RERE: variants seen among roughly 807,000 people sequenced by gnomAD.
RERE encodes arginine-glutamic acid dipeptide repeats protein.
In RERE, 40 loss-of-function variants were observed where a neutral mutation model predicts 146.1. The observed-to-expected ratio is 0.27, with a 90% CI of 0.21 to 0.36. RERE has a LOEUF of 0.36. RERE is among the 10% of genes least tolerant of loss of function. The pLI is 1.00. For missense variants in RERE, 1,933 were observed against 2,138.7 expected, an observed-to-expected ratio of 0.90 and a Z score of 1.90; for synonymous variants, 1,003 against 866.0, an observed-to-expected ratio of 1.16 and a Z score of -2.78.
intron 12 of RERE, among the ~76,000 whole-genome samples, chr1:8,380,222 C>T (rs1570097384): frequency 1.3e-5 from 2 of 152,346 alleles, no homozygotes; most frequent in East Asian, 3.9e-4. Context: ...TGGCAAAAGG[C>T]CTGCCTCTCT....
chr1:8,481,991 G>A (rs954799001), intron 10 of RERE, among the ~76,000 whole-genome samples: 2 of 152,104 alleles, frequency 1.3e-5, no homozygotes, highest in African/African-American at 4.8e-5. Flanking sequence ...AAGCAGACCA[G>A]GAGGATAAAT....
chr1:8,739,945 C>T (rs1210976788), intron 1 of RERE, among the ~76,000 whole-genome samples: 1 of 151,848 alleles, frequency 6.6e-6, no homozygotes, highest in Non-Finnish European at 1.5e-5. Flanking sequence ...TTCTGTTTTG[C>T]CTCTGGGCCA....
chr1:8,752,578 T>C (rs1439667546), intron 1 of RERE, among the ~76,000 whole-genome samples: 1 of 152,182 alleles, frequency 6.6e-6, no homozygotes, highest in Non-Finnish European at 1.5e-5. Context: ...GTAAGAACAC[T>C]GACAAACTGA....
chr1:8,646,953 T>G (rs1647338409), intron 2 of RERE, among the ~76,000 whole-genome samples: 1 of 152,126 alleles, frequency 6.6e-6, no homozygotes, highest in African/African-American at 2.4e-5. Context: ...AAACCTTGTC[T>G]CTACAAAAAA....
At chr1:8,543,932 A>C (rs1326535258) in intron 6 of RERE, among the ~76,000 whole-genome samples, 1 of 152,196 alleles carries the variant, frequency 6.6e-6, no homozygotes, top group African/African-American at 2.4e-5. Context: ...ACTGACATTT[A>C]AACATTTCAC....
At chr1:8,683,498 C>T (rs532975368) in intron 1 of RERE, among the ~76,000 whole-genome samples, 20 of 152,222 alleles carry the variant, frequency 1.3e-4, no homozygotes, top group African/African-American at 4.3e-4. Context: ...TTCTACAACC[C>T]ATCCACTGTA....
intron 12 of RERE, among the ~76,000 whole-genome samples, chr1:8,368,067 A>C (rs987563550): frequency 1.3e-5 from 2 of 152,218 alleles, no homozygotes; most frequent in Non-Finnish European, 2.9e-5. Flanking sequence ...TGGTGCTGTG[A>C]TAAGTCACAG....
At chr1:8,788,599 A>G (rs1641302335) in intron 1 of RERE, among the ~76,000 whole-genome samples, 1 of 150,562 alleles carries the variant, frequency 6.6e-6, no homozygotes, top group Non-Finnish European at 1.5e-5. Flanking sequence ...TCCTGACCTC[A>G]TTATCTACCT....
intron 3 of RERE, among the ~76,000 whole-genome samples, chr1:8,615,992 C>G (rs1336094727): frequency 2.0e-5 from 3 of 152,166 alleles, no homozygotes; most frequent in African/African-American, 7.2e-5. Context: ...GTAGCCACAA[C>G]CTTCTCACCA....
intron 12 of RERE, among the ~76,000 whole-genome samples, chr1:8,401,037 CCATATAT>C (rs1229026707): frequency 3.2e-3 from 18 of 5,610 alleles, no homozygotes; most frequent in African/African-American, 6.5e-3. Flanking sequence ...AAAAAAAAAA[CCATATAT>C]ATATATATAT....
At chr1:8,508,549 G>T in intron 8 of RERE, 78 bp downstream of exon 8, 1 of 1,101,460 alleles carries the variant, frequency 9.1e-7, no homozygotes, top group Non-Finnish European at 1.4e-6. Context: ...ATTCTAAGAT[G>T]CTGCGCAACA....
At chr1:8,380,653 G>A (rs970562163) in intron 12 of RERE, 4 of 362,204 alleles carry the variant, frequency 1.1e-5, no homozygotes, top group African/African-American at 8.5e-5. Flanking sequence ...GGCCCATCAA[G>A]AGCTTTTTTA....
chr1:8,602,835 T>TA (rs35838675), intron 4 of RERE, among the ~76,000 whole-genome samples: 269 of 150,952 alleles, frequency 1.8e-3, no homozygotes, highest in Middle Eastern at 6.8e-3. Context: ...TTCATCTGAT[T>TA]AAAAAAAAAA....
chr1:8,583,941 A>G (rs948685942), intron 4 of RERE, among the ~76,000 whole-genome samples: 12 of 151,982 alleles, frequency 7.9e-5, no homozygotes, highest in African/African-American at 2.6e-4. Flanking sequence ...ACAGAATAAC[A>G]CCCCTACAGA....
chr1:8,757,228 A>C (rs1191674209), intron 1 of RERE, among the ~76,000 whole-genome samples: 2 of 152,196 alleles, frequency 1.3e-5, no homozygotes, highest in African/African-American at 4.8e-5. Context: ...TCACAAAGTA[A>C]ACATTTTCCT....
intron 11 of RERE, among the ~76,000 whole-genome samples, chr1:8,464,184 T>C (rs1644564886): frequency 6.6e-6 from 1 of 152,236 alleles, no homozygotes; most frequent in African/African-American, 2.4e-5. Context: ...TCATGAACTC[T>C]GTAAGTCTGA....
intron 12 of RERE, among the ~76,000 whole-genome samples, chr1:8,385,969 A>T (rs1426317470): frequency 1.2e-4 from 1 of 8,362 alleles, no homozygotes; most frequent in East Asian, 2.0e-3. Context: ...ACTCCGTCTT[A>T]AAAAAAAAAA....
chr1:8,398,510 C>G (rs937166966), intron 12 of RERE, among the ~76,000 whole-genome samples: 1 of 152,250 alleles, frequency 6.6e-6, no homozygotes. Context: ...CAACGACCAT[C>G]TCTACAATTT....
intron 12 of RERE, among the ~76,000 whole-genome samples, chr1:8,388,486 A>AT (rs1201099381): frequency 3.3e-5 from 5 of 151,942 alleles, no homozygotes; most frequent in African/African-American, 9.7e-5. Context: ...CGCCCGGCTA[A>AT]TTTTTTGTAT....
Sources: gnomAD v4.1 joint callset for allele counts (sites outside exome capture counted in the v4.1 genomes callset) on GRCh38, gnomAD v4.1.1 for gene constraint, MANE v1.5 for transcripts, NCBI Gene and HGNC (gene_info 2026-07-23, HGNC 2026-07-21) for gene names.